TAFA4: variants seen among roughly 807,000 people sequenced by gnomAD.
TAFA4 encodes the protein TAFA chemokine like family member 4.
A neutral mutation model predicts 21.1 loss-of-function variants in TAFA4; 20 were observed. The observed-to-expected ratio is 0.95, with a 90% CI of 0.67 to 1.38. The LOEUF (loss-of-function observed/expected upper bound fraction) is 1.38, where lower values mean the gene tolerates loss of function less well. TAFA4 is among the 40% of genes most tolerant of loss of function. The pLI is 0.00. For synonymous variants in TAFA4, 71 were observed against 67.4 expected (o/e 1.05, Z -0.26); for missense variants, 211 against 180.9 (o/e 1.17, Z -0.95).
chr3:68,808,764 A>G (rs1051973288), intron 3 of TAFA4, among the ~76,000 whole-genome samples: 11 of 152,222 alleles, frequency 7.2e-5, no homozygotes, highest in Non-Finnish European at 1.5e-4. Context: ...TTACACTGCA[A>G]TAACAAAAAA....
intron 3 of TAFA4, among the ~76,000 whole-genome samples, chr3:68,859,109 T>C (rs1252944953): frequency 1.3e-5 from 2 of 152,158 alleles, no homozygotes; most frequent in Non-Finnish European, 2.9e-5. Flanking sequence ...TGTCAAATCT[T>C]GTGATTTTCA....
intron 3 of TAFA4, among the ~76,000 whole-genome samples, chr3:68,855,332 T>A (rs1480538751): frequency 6.6e-6 from 1 of 152,170 alleles, no homozygotes; most frequent in African/African-American, 2.4e-5. Flanking sequence ...GAAGACAATT[T>A]GGTTTCAATA....
chr3:68,765,622 A>C (rs1575600207), intron 3 of TAFA4, among the ~76,000 whole-genome samples: 2 of 152,204 alleles, frequency 1.3e-5, no homozygotes, highest in Non-Finnish European at 2.9e-5. Flanking sequence ...TCTAATTCTA[A>C]TTAAAGATGG....
rs2089825822 is a variant in TAFA4, at chr3:68,899,720, A to G, written c.-122-14410T>C. 2.0e-5 allele frequency among the ~76,000 whole-genome samples: 3 copies of G among 152,232 alleles called. No homozygotes were observed. The South Asian group carries it at 6.2e-4, about 32-fold the overall frequency. On this transcript the variant is annotated intron_variant, in intron 1 of 5. Transcript: ENST00000295569. Reference sequence around the variant, plus strand: ...CGATCCCATAACTCCAACACACAAGAGATGCACCACACACTTTAGGAGACT... The same window carrying G: ...CGATCCCATAACTCCAACACACAAGGGATGCACCACACACTTTAGGAGACT...
At chr3:68,777,134 A>C (rs559730925) in intron 3 of TAFA4, among the ~76,000 whole-genome samples, 1 of 91,090 alleles carries the variant, frequency 1.1e-5, no homozygotes, top group African/African-American at 4.4e-5. Flanking sequence ...AAATTATAAA[A>C]ATATGAAAGA....
At chr3:68,741,279 GTTCTGT>G (rs1320833669) in intron 4 of TAFA4, among the ~76,000 whole-genome samples, 1 of 152,092 alleles carries the variant, frequency 6.6e-6, no homozygotes, top group Non-Finnish European at 1.5e-5. Context: ...ACAGGATATT[GTTCTGT>G]TTCTTTCATT....
intron 3 of TAFA4, among the ~76,000 whole-genome samples, chr3:68,869,433 T>C (rs1257915291): frequency 2.0e-5 from 3 of 152,090 alleles, no homozygotes; most frequent in Non-Finnish European, 2.9e-5. Context: ...CCAATATCCC[T>C]GATGAACACA....
chr3:68,739,246 C>T (rs1702301848), intron 4 of TAFA4, 47 bp from the exon 5 acceptor site: 2 of 1,603,240 alleles, frequency 1.2e-6, no homozygotes, highest in Non-Finnish European at 1.7e-6. Context: ...TTTCTTCCTC[C>T]AAAGATGGAC....
intron 1 of TAFA4, among the ~76,000 whole-genome samples, chr3:68,914,095 C>T (rs941791205): frequency 1.3e-5 from 2 of 152,102 alleles, no homozygotes; most frequent in Non-Finnish European, 2.9e-5. Context: ...TTCACAGAAG[C>T]TTTATTTCCC....
chr3:68,876,604 T>C (rs775253893), intron 3 of TAFA4, among the ~76,000 whole-genome samples: 1 of 152,186 alleles, frequency 6.6e-6, no homozygotes, highest in South Asian at 2.1e-4. Context: ...TCAGCCATCA[T>C]AGGGGACAGA....
chr3:68,868,231 G>T (rs1292362240), intron 3 of TAFA4, among the ~76,000 whole-genome samples: 1 of 151,992 alleles, frequency 6.6e-6, no homozygotes, highest in Non-Finnish European at 1.5e-5. Flanking sequence ...CAAGTCAAAG[G>T]TTGTAAAAGA....
chr3:68,849,234 C>G (rs778084779), intron 3 of TAFA4, among the ~76,000 whole-genome samples: 1 of 152,108 alleles, frequency 6.6e-6, no homozygotes, highest in Non-Finnish European at 1.5e-5. Context: ...TATTTAAGAT[C>G]GACACAAATT....
At chr3:68,749,013 G>A (rs1004139378) in intron 4 of TAFA4, among the ~76,000 whole-genome samples, 2 of 152,126 alleles carry the variant, frequency 1.3e-5, no homozygotes, top group East Asian at 1.9e-4. Context: ...TATGCCAGCC[G>A]AAGATTCACA....
At chr3:68,927,962 C>A (rs1474140492) in intron 1 of TAFA4, among the ~76,000 whole-genome samples, 2 of 151,778 alleles carry the variant, frequency 1.3e-5, no homozygotes, top group Non-Finnish European at 1.5e-5. Flanking sequence ...TTTTACTCTT[C>A]TGGACTAACA....
intron 2 of TAFA4, 146 bp downstream of exon 2, chr3:68,885,029 T>A: frequency 1.4e-6 from 1 of 715,654 alleles, no homozygotes; most frequent in African/African-American, 1.8e-5. Context: ...AAAGCTAAAA[T>A]GAAAAAATCA....
chr3:68,837,347 T>C (rs1398070386), intron 3 of TAFA4, among the ~76,000 whole-genome samples: 1 of 152,178 alleles, frequency 6.6e-6, no homozygotes, highest in Non-Finnish European at 1.5e-5. Flanking sequence ...GTGTGACACA[T>C]ATGATCTCTG....
At chr3:68,854,726 T>C (rs779883137) in intron 3 of TAFA4, among the ~76,000 whole-genome samples, 1 of 152,096 alleles carries the variant, frequency 6.6e-6, no homozygotes, top group Non-Finnish European at 1.5e-5. Flanking sequence ...GTGTATTTTA[T>C]TAGTTTTTTT....
At position 68,739,096 on chromosome 3, in the gene TAFA4, G is replaced by A. The variant is rs1241734505; in HGVS notation, c.390C>T (p.Gly130=). The change falls in exon 5 of 6, where the codon GGC becomes GGT. Residue 130 remains glycine, a synonymous_variant. Coordinates refer to ENST00000295569, the MANE Select transcript of TAFA4 (RefSeq NM_182522.5). ...TTGCCTTCGTAGTTTTGACTTTATTGCCACTGCTACAGGACCAACCTGAGT... is the reference window on the plus strand; with the variant it reads ...TTGCCTTCGTAGTTTTGACTTTATTACCACTGCTACAGGACCAACCTGAGT... ...PDYSGWSCSS[G]NKVKTTKVTR The A allele has an allele frequency of 6.2e-7, 1 of 1,613,610 alleles. No individual in the cohort carries two copies. The highest frequency in any genetic ancestry group is 1.3e-5 in the African/African-American group (1 of 74,878).
chr3:68,880,812 C>G lies in TAFA4; in HGVS notation c.48G>C (p.Ser16=). 1.9e-6 allele frequency: 3 copies of G among 1,613,640 alleles called. No homozygotes were observed. In the South Asian group the frequency reaches 3.3e-5, roughly 18 times the overall value. ...ACACGTAGGCTAGAAAGAGCCAGTG[C>G]GACAGCAACACTGACTTAGCACAGA... ...MRVCAKSVLL[S]HWLFLAYVLM... is the part of the protein sequence containing the mutation. Residue 16 remains serine, a synonymous_variant, in exon 3 of 6, where the codon TCG becomes TCC. Transcript: ENST00000295569.
Sources: gnomAD v4.1 joint callset for allele counts (sites outside exome capture counted in the v4.1 genomes callset) on GRCh38, gnomAD v4.1.1 for gene constraint, MANE v1.5 for transcripts, NCBI Gene and HGNC (gene_info 2026-07-23, HGNC 2026-07-21) for gene names.